The following PANK4 variants were observed in gnomAD, a reference collection of about 807,000 sequenced individuals.
PANK4 encodes 4'-phosphopantetheine phosphatase.
Under a neutral mutation model 87.9 loss-of-function variants are expected in PANK4, and 40 were observed. The observed-to-expected ratio is 0.46, with a 90% confidence interval of 0.35 to 0.59. The LOEUF is 0.59. PANK4 is among the 20% of genes least tolerant of loss of function. The probability of loss-of-function intolerance (pLI) is 0.00; values close to 1 mark genes in which losing one functional copy is unlikely to be tolerated. For missense variants in PANK4, 926 were observed against 1,072.3 expected, an observed-to-expected ratio of 0.86 and a Z score of 1.90; for synonymous variants, 524 against 467.4, an observed-to-expected ratio of 1.12 and a Z score of -1.56.
intron 8 of PANK4, 88 bp downstream of exon 8, chr1:2,518,428 T>A: frequency 8.2e-7 from 1 of 1,218,582 alleles, no homozygotes; most frequent in South Asian, 1.3e-5. Context: ...CCACCCCACC[T>A]CCACCCTGGG....
At chr1:2,521,943 T>C (rs2100794392) in intron 1 of PANK4, 143 bp from the exon 2 acceptor site, 1 of 669,080 alleles carries the variant, frequency 1.5e-6, no homozygotes, top group Non-Finnish European at 2.7e-6. Context: ...TTAAAAACCC[T>C]GTGGGCACAA....
Position 2,513,000 on chromosome 1 carries a change from G to A in PANK4, c.1615C>T (p.Pro539Ser), listed in dbSNP as rs757002904. ...GCGTCCAGGGAGCGCACGACCCCGG[G>A]GAAGCACCTCAGCGCCACGCCATTC... is the stretch of plus-strand genomic sequence containing the variant. ...RENGVALRCF[P>S]GVVRSLDALG... The change falls in exon 13 of 19, where the codon CCC becomes TCC. Residue 539 changes from proline (P) to serine (S), a missense_variant. Coordinates refer to ENST00000378466, the MANE Select transcript of PANK4 (RefSeq NM_018216.4). 2 of 1,610,886 alleles carry A rather than the reference G, an allele frequency of 1.2e-6. No individual in the cohort carries two copies. The highest frequency in any genetic ancestry group is 1.1e-5 in the South Asian group (1 of 90,992).
In PANK4 at chr1:2,520,912, A is replaced by G; in HGVS notation, c.423-6T>C. 1 of 1,544,006 alleles carries G rather than the reference A, an allele frequency of 6.5e-7. No homozygotes were observed. Among genetic ancestry groups the G allele is most frequent in the Non-Finnish European group, 8.7e-7 (1 of 1,147,184 alleles). ...TCACGTCCTCCTTGTCGACTCTGAA[A>G]AGGAAGCGCCAACCCCTTAAAGAGT... On this transcript the variant is annotated splice_region_variant and splice_polypyrimidine_tract_variant and intron_variant, in intron 3 of 18. Transcript: ENST00000378466. The surrounding 1 kb of genome is among the most constrained non-coding windows in gnomAD (Gnocchi z 6.2).
chr1:2,521,055 G>A (rs1228152708), intron 3 of PANK4, 46 bp downstream of exon 3: 5 of 1,559,486 alleles, frequency 3.2e-6, no homozygotes, highest in East Asian at 4.5e-5. Context: ...CCAGGGACTC[G>A]GGGGCAGACA....
At chr1:2,511,825 G>A (rs1643667285) in intron 13 of PANK4, 142 bp from the exon 14 acceptor site, 2 of 659,206 alleles carry the variant, frequency 3.0e-6, no homozygotes, top group Non-Finnish European at 5.5e-6. Flanking sequence ...CTCCCAGGTG[G>A]GACAGGGGCA....
Position 2,520,239 on chromosome 1 carries a change from G to T in PANK4, c.699+83C>A. ...GGAGGGAGGCCCGGAAGCAGCTTTT[G>T]CACCGCCCAGCTGCAGGCCTTCGGG... is the stretch of plus-strand genomic sequence containing the variant. On this transcript the variant is annotated intron_variant, in intron 5 of 18. Transcript: ENST00000378466. The surrounding 1 kb of genome is among the most constrained non-coding windows in gnomAD (Gnocchi z 6.2). 1 of 1,322,586 alleles carries T rather than the reference G, an allele frequency of 7.6e-7. No individual in the cohort carries two copies. The highest frequency in any genetic ancestry group is 1.1e-6 in the Non-Finnish European group (1 of 919,910). The allele number at this position is 1,322,586 out of a possible 1,614,324, so 81.9% of individuals were successfully genotyped here. A position where few individuals can be genotyped will look rare whatever the true frequency, so the allele number is the denominator to read the frequency against.
chr1:2,522,575 T>G (rs1203960268), intron 1 of PANK4, among the ~76,000 whole-genome samples: 1 of 152,126 alleles, frequency 6.6e-6, no homozygotes, highest in African/African-American at 2.4e-5. Context: ...GACAAATTCT[T>G]CTAAGTTAAA....
intron 1 of PANK4, among the ~76,000 whole-genome samples, chr1:2,522,785 A>ATAGTGACTTAACGGAGGGCACCGTG (rs1643886416): frequency 2.4e-3 from 5 of 2,044 alleles, no homozygotes; most frequent in Non-Finnish European, 5.3e-3. Context: ...AGGGGACCGT[A>ATAGTGACTTAACGGAGGGCACCGTG]TGGTGCTATA....
At chr1:2,523,887 C>T (rs1315023499) in intron 1 of PANK4, among the ~76,000 whole-genome samples, 2 of 152,242 alleles carry the variant, frequency 1.3e-5, no homozygotes, top group Non-Finnish European at 2.9e-5. Context: ...CCGCGCTCGG[C>T]CCTGAGGCCA....
At chr1:2,513,222 C>A (rs1235418325) in intron 12 of PANK4, among the ~76,000 whole-genome samples, 183 bp from the exon 13 acceptor site, 1 of 152,260 alleles carries the variant, frequency 6.6e-6, no homozygotes, top group Non-Finnish European at 1.5e-5. Flanking sequence ...CTGCACGGGG[C>A]TCTGAGGACG....
In PANK4 at chr1:2,513,015, C is replaced by T. The variant is rs1643689943; in HGVS notation, c.1600G>A (p.Ala534Thr). 4 of 1,606,324 alleles carry T rather than the reference C, an allele frequency of 2.5e-6. No homozygotes were observed. The highest frequency in any genetic ancestry group is 3.4e-6 in the Non-Finnish European group (4 of 1,175,074). Residue 534 changes from alanine to threonine, a missense_variant, in exon 13 of 19, where the codon GCG becomes ACG. Coordinates refer to ENST00000378466, the MANE Select transcript of PANK4 (RefSeq NM_018216.4). The part of the protein sequence containing the change: ...SKVKQRENGV[A>T]LRCFPGVVRS... ...ACGACCCCGGGGAAGCACCTCAGCG[C>T]CACGCCATTCTCCCGCTGCTTCACC...
chr1:2,514,521 T>A lies in PANK4; in HGVS notation c.1375-55A>T, dbSNP rs929988796. On this transcript the variant is annotated intron_variant, in intron 10 of 18. Transcript: ENST00000378466. The stretch of plus-strand genomic sequence containing the variant: ...AAGCGCTGGCCCTGCTGCTTGCGAA[T>A]CCCCACGTGACAGCAGGGGGCTCGG... The A allele has an allele frequency of 5.4e-6, 5 of 923,372 alleles. No homozygotes were observed. The Admixed American group carries it at 1.2e-4, about 22-fold the overall frequency. 57.2% of individuals were successfully genotyped at this position (923,372 alleles called of 1,614,324 possible). A position where few individuals can be genotyped will look rare whatever the true frequency, so the allele number is the denominator to read the frequency against.
In PANK4 at chr1:2,512,128, C is replaced by T. The variant is rs1202856908; in HGVS notation, c.1728-445G>A. Among the ~76,000 whole-genome samples, 3 of 152,202 alleles carry T rather than the reference C, an allele frequency of 2.0e-5. No homozygotes were observed. The East Asian group carries it at 5.8e-4, about 29-fold the overall frequency. ...CGCAGTATGGTCCCTGTGCTTGGCACCCATGCAGGCGGTGTGGGGAGCCCC... is the reference window on the plus strand; with the variant it reads ...CGCAGTATGGTCCCTGTGCTTGGCATCCATGCAGGCGGTGTGGGGAGCCCC... On this transcript the variant is annotated intron_variant, in intron 13 of 18. Transcript: ENST00000378466.
intron 1 of PANK4, among the ~76,000 whole-genome samples, chr1:2,523,498 C>A (rs1461322560): frequency 6.6e-6 from 1 of 152,170 alleles, no homozygotes; most frequent in African/African-American, 2.4e-5. Flanking sequence ...TCAGTATAAA[C>A]AAACTCTCAG....
In PANK4 at chr1:2,509,126, C is replaced by T. The variant is rs1444592428; in HGVS notation, c.2109-66G>A. ...CCCAGACCCCACTTCCCATACAGTG[C>T]GGCGACCAACGTGAAGGCTGAAACC... is the stretch of plus-strand genomic sequence containing the variant. On this transcript the variant is annotated intron_variant, in intron 18 of 18. Coordinates refer to ENST00000378466, the MANE Select transcript of PANK4 (RefSeq NM_018216.4). The surrounding 1 kb of genome is among the most constrained non-coding windows in gnomAD (Gnocchi z 4.9). 20 of 1,245,402 alleles carry T rather than the reference C, an allele frequency of 1.6e-5. No individual in the cohort carries two copies. The highest frequency in any genetic ancestry group is 4.9e-5 in the East Asian group (2 of 40,406). The allele number at this position is 1,245,402 out of a possible 1,614,324, so 77.1% of individuals were successfully genotyped here. A position where few individuals can be genotyped will look rare whatever the true frequency, so the allele number is the denominator to read the frequency against.
Position 2,521,140 on chromosome 1 carries a change from T to A in PANK4, c.383A>T (p.Tyr128Phe). ...CTCTTCGATGAGGTCTTTGAACTTGTAGGCCCCGCCCCCGGTCGCCTGGAT... is the reference window on the plus strand; with the variant it reads ...CTCTTCGATGAGGTCTTTGAACTTGAAGGCCCCGCCCCCGGTCGCCTGGAT... ...KVIQATGGGA[Y>F]KFKDLIEEKL... Residue 128 changes from tyrosine to phenylalanine, a missense_variant, in exon 3 of 19, where the codon TAC (tyrosine) becomes TTC (phenylalanine). Tyr to Phe is a conservative substitution (Grantham distance 22). Coordinates refer to ENST00000378466, the MANE Select transcript of PANK4 (RefSeq NM_018216.4). The A allele has an allele frequency of 3.1e-6, 5 of 1,613,852 alleles. No individual in the cohort carries two copies. Among genetic ancestry groups the A allele is most frequent in the Non-Finnish European group, 3.4e-6 (4 of 1,179,966 alleles).
At chr1:2,512,817 T>C in intron 13 of PANK4, 71 bp downstream of exon 13, 2 of 1,518,314 alleles carry the variant, frequency 1.3e-6, no homozygotes, top group Non-Finnish European at 1.8e-6. Context: ...CTCCACCTCC[T>C]TGCCCGCAAG....
chr1:2,518,174 C>G lies in PANK4; in HGVS notation c.1208G>C (p.Arg403Pro). Residue 403 changes from arginine to proline, a missense_variant, in exon 9 of 19, where the codon CGG (arginine) becomes CCG (proline). By Grantham distance (103) the Arg-to-Pro change is moderately radical. Transcript: ENST00000378466. ...SPELGPAQRA[R>P]SGTFDLLEMD... ...GAGCCCACTACTCACAGTGCCACTC[C>G]GCGCCCGCTGCGCCGGGCCGAGCTC... 2 of 1,604,010 alleles carry G rather than the reference C, an allele frequency of 1.2e-6. No homozygotes were observed. The highest frequency in any genetic ancestry group is 3.4e-5 in the Admixed American group (2 of 59,592).
chr1:2,521,821 G>C, intron 1 of PANK4, 21 bp from the exon 2 acceptor site: 1 of 1,603,874 alleles, frequency 6.2e-7, no homozygotes, highest in Non-Finnish European at 8.5e-7. Flanking sequence ...GACACAAACC[G>C]GGCAGGATTC....
Sources: allele counts gnomAD v4.1 joint callset (sites outside exome capture counted in the v4.1 genomes callset), GRCh38; gene constraint gnomAD v4.1.1; non-coding constraint Gnocchi (gnomAD v3.1); transcripts MANE v1.5; gene names NCBI Gene and HGNC (gene_info 2026-07-23, HGNC 2026-07-21).